PTCHD1: variants seen among roughly 807,000 people sequenced by gnomAD.
The protein encoded by PTCHD1 is patched domain containing 1.
A neutral mutation model predicts 34.6 loss-of-function variants in PTCHD1; 3 were observed. That is an observed-to-expected ratio of 0.09 (90% CI 0.04 to 0.22). PTCHD1 has a LOEUF of 0.22. Ranked by LOEUF, PTCHD1 falls within the 10% of genes least tolerant of loss-of-function variation. The pLI, the probability that PTCHD1 is intolerant of heterozygous loss-of-function variation, is 1.00. For synonymous variants in PTCHD1, 305 were observed against 283.1 expected (o/e 1.08, Z -0.77); for missense variants, 504 against 685.5 (o/e 0.74, Z 2.96).
Position 23,397,916 on chromosome X carries a change from T to G in PTCHD1, c.*3731T>G, listed in dbSNP as rs1165411412. 1 of 112,010 alleles carries G rather than the reference T, an allele frequency of 8.9e-6. No individual in the cohort carries two copies. Among genetic ancestry groups the G allele is most frequent in the African/African-American group, 3.2e-5 (1 of 30,788 alleles). The allele number at this position is 112,010 out of a possible 1,213,427, so 9.2% of individuals were successfully genotyped here. On this transcript the variant is annotated 3_prime_UTR_variant, in exon 3 of 3. Coordinates refer to ENST00000379361, the MANE Select transcript of PTCHD1 (RefSeq NM_173495.3). ...CTTTTGGATCCTATTAAAGTACCCCTGTAGCTTATAGTAGTGTTTGACCTC... is the reference window on the plus strand; with the variant it reads ...CTTTTGGATCCTATTAAAGTACCCCGGTAGCTTATAGTAGTGTTTGACCTC...
intron 1 of PTCHD1, among the ~76,000 whole-genome samples, chrX:23,375,244 T>A (rs1458400796): frequency 9.0e-6 from 1 of 110,735 alleles, no homozygotes; most frequent in Non-Finnish European, 1.9e-5. Context: ...CATAGCTCAA[T>A]CATATCCACT....
rs1262459760 is a variant in PTCHD1 at position 23,399,088 on chromosome X, T to G, written c.*4903T>G. 9.0e-6 allele frequency: 1 copy of G among 111,245 alleles called. No homozygotes were observed. Among genetic ancestry groups the G allele is most frequent in the African/African-American group, 3.3e-5 (1 of 30,541 alleles). 9.2% of individuals were successfully genotyped at this position (111,245 alleles called of 1,213,427 possible). On this transcript the variant is annotated 3_prime_UTR_variant, in exon 3 of 3. Transcript: ENST00000379361. ...AGCAGAGAAAGCTTGGTGGAAGAAGTGATGTTCTTGTGGAATGTGCCAGCA... is the reference window on the plus strand; with the variant it reads ...AGCAGAGAAAGCTTGGTGGAAGAAGGGATGTTCTTGTGGAATGTGCCAGCA...
At chrX:23,390,774 T>TA (rs1161347773) in intron 2 of PTCHD1, among the ~76,000 whole-genome samples, 1 of 112,107 alleles carries the variant, frequency 8.9e-6, no homozygotes, top group East Asian at 2.8e-4. Context: ...AGGATATAAA[T>TA]ACTAGCTTGG....
chrX:23,375,359 C>G (rs767706243), intron 1 of PTCHD1, among the ~76,000 whole-genome samples: 5 of 107,220 alleles, frequency 4.7e-5, no homozygotes, highest in South Asian at 4.3e-4. Flanking sequence ...GCGCGATCTC[C>G]GCTCACTGCA....
chrX:23,391,392 C>G (rs1159008304), intron 2 of PTCHD1, among the ~76,000 whole-genome samples: 1 of 111,066 alleles, frequency 9.0e-6, no homozygotes, highest in Non-Finnish European at 1.9e-5. Flanking sequence ...AGACAAATTG[C>G]AAGTCATAAA....
intron 1 of PTCHD1, among the ~76,000 whole-genome samples, chrX:23,359,555 C>G (rs141831482): frequency 8.9e-6 from 1 of 111,948 alleles, no homozygotes; most frequent in Non-Finnish European, 1.9e-5. Context: ...TGGGCTGAGA[C>G]GATGGGATTT....
At chrX:23,334,461 G>A (rs1446697607), upstream of PTCHD1, 1 of 109,943 alleles carries the variant, frequency 9.1e-6, no homozygotes, top group South Asian at 3.8e-4. Context: ...TTGGGGGTCG[G>A]GTGAGTGGGG....
intron 2 of PTCHD1, 102 bp downstream of exon 2, chrX:23,380,353 A>C: frequency 1.2e-6 from 1 of 825,385 alleles, no homozygotes; most frequent in Non-Finnish European, 1.8e-6. Flanking sequence ...TTCATTTAAC[A>C]GTATCTTCAT....
At chrX:23,350,153 A>G (rs1462993833) in intron 1 of PTCHD1, among the ~76,000 whole-genome samples, 1 of 108,638 alleles carries the variant, frequency 9.2e-6, no homozygotes, top group African/African-American at 3.4e-5. Flanking sequence ...AGATCCTCAT[A>G]CTGCATGCAC....
chrX:23,394,382 G>A lies in PTCHD1; in HGVS notation c.*197G>A. ...TATTTTCAGTCTTTAAAACAAAGGAGTTGTTATGAGAATTCACACACACAT... is the reference window on the plus strand; with the variant it reads ...TATTTTCAGTCTTTAAAACAAAGGAATTGTTATGAGAATTCACACACACAT... On this transcript the variant is annotated 3_prime_UTR_variant, in exon 3 of 3. Transcript: ENST00000379361. 3.0e-6 allele frequency: 1 copy of A among 334,268 alleles called. No homozygotes were observed. Among genetic ancestry groups the A allele is most frequent in the African/African-American group, 3.0e-5 (1 of 33,345 alleles). 27.5% of individuals were successfully genotyped at this position (334,268 alleles called of 1,213,427 possible). A position where few individuals can be genotyped will look rare whatever the true frequency, so the allele number is the denominator to read the frequency against.
chrX:23,385,368 A>C (rs1922660301), intron 2 of PTCHD1, among the ~76,000 whole-genome samples: 1 of 111,441 alleles, frequency 9.0e-6, no homozygotes, highest in Non-Finnish European at 1.9e-5. Flanking sequence ...AGTCCAGGAA[A>C]GCAGAACTCA....
intron 1 of PTCHD1, among the ~76,000 whole-genome samples, chrX:23,367,866 T>A (rs192464934): frequency 9.8e-5 from 11 of 111,743 alleles, no homozygotes; most frequent in Admixed American, 1.9e-4. Flanking sequence ...TGAAGTTACA[T>A]CAGTGCTTGC....
intron 1 of PTCHD1, among the ~76,000 whole-genome samples, chrX:23,376,283 CAATT>C (rs1174014232): frequency 8.9e-6 from 1 of 112,242 alleles, no homozygotes; most frequent in Non-Finnish European, 1.9e-5. Context: ...AGGGTCAGGA[CAATT>C]AGTTTGTGTC....
intron 1 of PTCHD1, among the ~76,000 whole-genome samples, chrX:23,360,181 T>C (rs776762739): frequency 5.4e-5 from 6 of 112,100 alleles, no homozygotes. Context: ...TTAGGGAGGA[T>C]TCCCTCTTTT....
At chrX:23,349,476 G>A (rs1921567664) in intron 1 of PTCHD1, among the ~76,000 whole-genome samples, 1 of 111,796 alleles carries the variant, frequency 8.9e-6, no homozygotes, top group Admixed American at 9.5e-5. Flanking sequence ...GGAAAGATAT[G>A]CCCTGCTAAT....
chrX:23,336,707 A>G (rs775224652), intron 1 of PTCHD1, among the ~76,000 whole-genome samples: 12 of 111,427 alleles, frequency 1.1e-4, no homozygotes, highest in African/African-American at 3.9e-4. Flanking sequence ...TAATCCCGAG[A>G]TGTTTGTTTT....
In PTCHD1 at chrX:23,369,307, C is replaced by A. The variant is rs985659592; in HGVS notation, c.352-10284C>A. On this transcript the variant is annotated intron_variant, in intron 1 of 2. Transcript: ENST00000379361. ...TCTAGACTGCTTTGTCATGTTTGACCCCCGACTTTGCTACCTCATCACCAT... is the reference window on the plus strand; with the variant it reads ...TCTAGACTGCTTTGTCATGTTTGACACCCGACTTTGCTACCTCATCACCAT... Among the ~76,000 whole-genome samples, 6 of 111,128 alleles carry A rather than the reference C, an allele frequency of 5.4e-5. No individual in the cohort carries two copies. In the South Asian group the frequency reaches 2.3e-3, roughly 43 times the overall value.
intron 1 of PTCHD1, among the ~76,000 whole-genome samples, chrX:23,362,531 C>G (rs1289907939): frequency 8.9e-6 from 1 of 112,059 alleles, no homozygotes; most frequent in African/African-American, 3.2e-5. Context: ...TTCATCTAAT[C>G]TTTTTTCAAT....
chrX:23,383,311 T>C (rs903879909), intron 2 of PTCHD1, among the ~76,000 whole-genome samples: 4 of 112,209 alleles, frequency 3.6e-5, no homozygotes, highest in African/African-American at 1.3e-4. Flanking sequence ...TGGCTATCAA[T>C]AGGTCTATAC....
Sources: allele counts gnomAD v4.1 joint callset (sites outside exome capture counted in the v4.1 genomes callset), GRCh38; gene constraint gnomAD v4.1.1; transcripts MANE v1.5; gene names NCBI Gene and HGNC (gene_info 2026-07-23, HGNC 2026-07-21).